The following WDR7 variants were observed in gnomAD, a reference collection of about 807,000 sequenced individuals.
WDR7 encodes the protein WD repeat-containing protein 7.
WDR7 carries 46 observed loss-of-function variants against 169.4 expected under a neutral mutation model. The ratio of observed to expected loss-of-function variants is 0.27; its 90% CI spans 0.21 to 0.35. The LOEUF is 0.35. WDR7 is among the 10% of genes least tolerant of loss of function. The pLI, the probability that WDR7 is intolerant of heterozygous loss-of-function variation, is 1.00. For missense variants in WDR7, 1,534 were observed against 1,859.3 expected (o/e 0.83, Z 3.22); for synonymous variants, 612 against 666.8 (o/e 0.92, Z 1.27).
chr18:56,718,502 C>G (rs933461375), intron 13 of WDR7, among the ~76,000 whole-genome samples: 1 of 152,106 alleles, frequency 6.6e-6, no homozygotes, highest in East Asian at 1.9e-4. Flanking sequence ...AAAGATACAA[C>G]CCTTTTTTCT....
intron 20 of WDR7, among the ~76,000 whole-genome samples, chr18:56,825,704 G>A (rs1341369104): frequency 6.6e-6 from 1 of 152,090 alleles, no homozygotes; most frequent in East Asian, 1.9e-4. Context: ...TTTTCTTTTT[G>A]TGATATATAG....
At chr18:56,965,423 G>A (rs2047394853) in intron 26 of WDR7, among the ~76,000 whole-genome samples, 1 of 150,080 alleles carries the variant, frequency 6.7e-6, no homozygotes, top group Non-Finnish European at 1.5e-5. Flanking sequence ...TTTACCTTTT[G>A]GTATTGACTT....
At chr18:56,711,740 T>C (rs2026090955) in intron 12 of WDR7, among the ~76,000 whole-genome samples, 1 of 152,178 alleles carries the variant, frequency 6.6e-6, no homozygotes. Context: ...AAGCTTTTTT[T>C]AAAGGTCTAG....
At chr18:57,030,616 C>T (rs2048435823), downstream of WDR7, 1 of 152,194 alleles carries the variant, frequency 6.6e-6, no homozygotes, top group South Asian at 2.1e-4. Context: ...GGCTGACTGA[C>T]AGAGCCCAGT....
At chr18:56,990,995 A>G (rs2047804579) in intron 26 of WDR7, among the ~76,000 whole-genome samples, 1 of 152,162 alleles carries the variant, frequency 6.6e-6, no homozygotes, top group South Asian at 2.1e-4. Flanking sequence ...TACTAGACTG[A>G]TTCTCATTCC....
chr18:56,759,805 TG>T lies in WDR7; in HGVS notation c.2848+853del, dbSNP rs578100350. On this transcript the variant is annotated intron_variant, in intron 16 of 27. Transcript: ENST00000254442. ...AGTCAAACAGTAGTTTTACAAGGTTTGTTAAACAGTAGACCCCCAACTTTAT... is the reference window on the plus strand; with the variant it reads ...AGTCAAACAGTAGTTTTACAAGGTTTTTAAACAGTAGACCCCCAACTTTAT... 2.3e-3 allele frequency among the ~76,000 whole-genome samples: 354 copies of T among 152,302 alleles called. 4 individuals carry two copies. Among genetic ancestry groups the T allele is most frequent in the African/African-American group, 8.2e-3 (343 of 41,578 alleles).
intron 21 of WDR7, among the ~76,000 whole-genome samples, chr18:56,920,851 T>G (rs762553513): frequency 1.3e-5 from 2 of 152,232 alleles, no homozygotes; most frequent in African/African-American, 4.8e-5. Flanking sequence ...GACCTATCAT[T>G]ATCTTAATTT....
intron 3 of WDR7, among the ~76,000 whole-genome samples, chr18:56,680,766 A>G (rs968028563): frequency 1.3e-5 from 2 of 152,234 alleles, no homozygotes; most frequent in Admixed American, 6.5e-5. Context: ...TTTATTTGCA[A>G]AAGTTTGAAA....
intron 17 of WDR7, 89 bp from the exon 18 acceptor site, chr18:56,779,342 T>C: frequency 1.1e-6 from 1 of 946,982 alleles, no homozygotes; most frequent in Non-Finnish European, 1.6e-6. Flanking sequence ...TCTGCCTTTT[T>C]TTGTTTTTGG....
intron 9 of WDR7, among the ~76,000 whole-genome samples, chr18:56,694,053 T>A (rs1289162580): frequency 6.6e-6 from 1 of 151,716 alleles, no homozygotes; most frequent in Non-Finnish European, 1.5e-5. Flanking sequence ...TTTTTTTTCC[T>A]GTAGAGACAG....
At chr18:56,718,503 C>G (rs1371077589) in intron 13 of WDR7, among the ~76,000 whole-genome samples, 1 of 152,088 alleles carries the variant, frequency 6.6e-6, no homozygotes, top group Non-Finnish European at 1.5e-5. Flanking sequence ...AAGATACAAC[C>G]CTTTTTTCTT....
intron 9 of WDR7, among the ~76,000 whole-genome samples, chr18:56,692,187 G>C (rs1411788290): frequency 6.6e-6 from 1 of 152,130 alleles, no homozygotes; most frequent in African/African-American, 2.4e-5. Flanking sequence ...TAATAATGCT[G>C]AGTAATAATA....
chr18:57,033,601 A>C (rs1036630952), downstream of WDR7: 1 of 152,140 alleles, frequency 6.6e-6, no homozygotes. Flanking sequence ...TTTAAAAATA[A>C]GTTGTGTGTT....
At chr18:56,970,938 A>G (rs2047474903) in intron 26 of WDR7, among the ~76,000 whole-genome samples, 1 of 152,222 alleles carries the variant, frequency 6.6e-6, no homozygotes, top group Admixed American at 6.5e-5. Flanking sequence ...GCAACTGTGA[A>G]TAATGGAAAG....
intron 20 of WDR7, among the ~76,000 whole-genome samples, chr18:56,839,581 A>T (rs2145318780): frequency 6.6e-6 from 1 of 152,360 alleles, no homozygotes; most frequent in African/African-American, 2.4e-5. Context: ...AAGCTATACT[A>T]ATCTAGGTTC....
intron 14 of WDR7, among the ~76,000 whole-genome samples, chr18:56,742,361 A>T (rs2043632380): frequency 6.6e-6 from 1 of 152,214 alleles, no homozygotes; most frequent in Non-Finnish European, 1.5e-5. Context: ...GGTATTGTGA[A>T]GTAATTTATA....
intron 14 of WDR7, among the ~76,000 whole-genome samples, chr18:56,745,951 TC>T (rs2043695128): frequency 6.6e-6 from 1 of 152,206 alleles, no homozygotes. Context: ...TGTTGAACTT[TC>T]CTAGGACAAT....
intron 14 of WDR7, among the ~76,000 whole-genome samples, chr18:56,754,285 GTATA>G (rs778530794): frequency 1.5e-5 from 2 of 131,516 alleles, no homozygotes; most frequent in South Asian, 2.3e-4. Flanking sequence ...GTGTGTGTGT[GTATA>G]TGTGTGTGTG....
intron 14 of WDR7, among the ~76,000 whole-genome samples, chr18:56,734,253 G>C (rs2026648104): frequency 6.6e-6 from 1 of 152,038 alleles, no homozygotes; most frequent in Non-Finnish European, 1.5e-5. Flanking sequence ...ACTTATCTCA[G>C]CTTTATCCTT....
Sources: allele counts gnomAD v4.1 joint callset (sites outside exome capture counted in the v4.1 genomes callset), GRCh38; gene constraint gnomAD v4.1.1; transcripts MANE v1.5; gene names NCBI Gene and HGNC (gene_info 2026-07-23, HGNC 2026-07-21).